DLGAP1: variants seen among roughly 807,000 people sequenced by gnomAD.
The protein encoded by DLGAP1 is DLG associated protein 1, also known as disks large-associated protein 1.
A neutral mutation model predicts 90.8 loss-of-function variants in DLGAP1; 11 were observed. The observed-to-expected ratio is 0.12, with a 90% CI of 0.08 to 0.20. The LOEUF (loss-of-function observed/expected upper bound fraction) is 0.20. DLGAP1 is among the 10% of genes least tolerant of loss of function. The pLI is 1.00. For synonymous variants in DLGAP1, 558 were observed against 540.7 expected (o/e 1.03, Z -0.44); for missense variants, 1,050 against 1,333.8 (o/e 0.79, Z 3.31).
chr18:4,219,057 G>T (rs2078023852), intron 1 of DLGAP1, among the ~76,000 whole-genome samples: 2 of 117,576 alleles, frequency 1.7e-5, no homozygotes, highest in Admixed American at 9.7e-5. Context: ...TTTTTAAGGA[G>T]TCTCCAAATT....
intron 10 of DLGAP1, among the ~76,000 whole-genome samples, chr18:3,529,295 G>A (rs1033673429): frequency 1.3e-5 from 2 of 152,094 alleles, no homozygotes; most frequent in African/African-American, 2.4e-5. Context: ...GCAAGAAGGC[G>A]CCATCTTTGA....
chr18:3,564,954 T>C (rs1410161420), intron 9 of DLGAP1, among the ~76,000 whole-genome samples: 1 of 152,174 alleles, frequency 6.6e-6, no homozygotes, highest in African/African-American at 2.4e-5. Context: ...TTTTAGCTTA[T>C]AGTGGAAACT....
intron 2 of DLGAP1, among the ~76,000 whole-genome samples, chr18:4,038,969 G>A (rs1033634190): frequency 6.6e-6 from 1 of 152,068 alleles, no homozygotes; most frequent in African/African-American, 2.4e-5. Flanking sequence ...CACAAGGGTT[G>A]CATTCCATCC....
At chr18:3,531,209 G>A (rs2051974197) in intron 10 of DLGAP1, among the ~76,000 whole-genome samples, 1 of 152,068 alleles carries the variant, frequency 6.6e-6, no homozygotes, top group Non-Finnish European at 1.5e-5. Flanking sequence ...GGCCGAGACG[G>A]GTGGATCACC....
At chr18:4,345,723 C>T (rs1015706384) in intron 1 of DLGAP1, among the ~76,000 whole-genome samples, 1 of 152,170 alleles carries the variant, frequency 6.6e-6, no homozygotes, top group African/African-American at 2.4e-5. Flanking sequence ...TCTTAAACAC[C>T]TCAATCGATG....
chr18:3,824,148 A>G (rs1033110725), intron 4 of DLGAP1, among the ~76,000 whole-genome samples: 2 of 151,958 alleles, frequency 1.3e-5, no homozygotes, highest in African/African-American at 4.8e-5. Flanking sequence ...CATTATTGTT[A>G]TAGTTACTAG....
At chr18:3,677,697 C>T (rs1363459131) in intron 7 of DLGAP1, among the ~76,000 whole-genome samples, 3 of 152,164 alleles carry the variant, frequency 2.0e-5, no homozygotes, top group East Asian at 1.9e-4. Context: ...CTCACTCTGT[C>T]GCCCAGGCTG....
intron 3 of DLGAP1, among the ~76,000 whole-genome samples, chr18:3,912,440 A>C (rs73940290): frequency 0.028 from 4,323 of 152,246 alleles, 198 homozygotes; most frequent in African/African-American, 0.096. Flanking sequence ...ACTTATTATG[A>C]GCCTATTATG....
intron 3 of DLGAP1, among the ~76,000 whole-genome samples, chr18:3,887,849 C>CTGT (rs2071356778): frequency 6.6e-6 from 1 of 151,998 alleles, no homozygotes. Flanking sequence ...TGGCTCATGC[C>CTGT]TGTGATCCCA....
intron 3 of DLGAP1, among the ~76,000 whole-genome samples, chr18:3,927,096 C>A (rs1428336993): frequency 3.9e-5 from 6 of 152,198 alleles, no homozygotes; most frequent in African/African-American, 1.4e-4. Flanking sequence ...AAAGAGAGCT[C>A]TTCCTTACTC....
intron 2 of DLGAP1, among the ~76,000 whole-genome samples, chr18:4,067,051 T>C (rs1400882549): frequency 6.6e-6 from 1 of 152,054 alleles, no homozygotes; most frequent in African/African-American, 2.4e-5. Flanking sequence ...AGGGTGCCAT[T>C]ATCCTTAGCA....
In DLGAP1 at chr18:4,363,479, T is replaced by A. The variant is rs182975888; in HGVS notation, c.-267+91527A>T. 3.9e-5 allele frequency among the ~76,000 whole-genome samples: 6 copies of A among 152,146 alleles called. No individual in the cohort carries two copies. The East Asian group carries it at 1.2e-3, about 29-fold the overall frequency. On this transcript the variant is annotated intron_variant, in intron 1 of 12. Transcript: ENST00000315677. Reference sequence around the variant, plus strand: ...GTGGTAACTTCCAGGAAACCAGACTTAAGAGAAAATTTTCGCAACCTACTC... The same window carrying A: ...GTGGTAACTTCCAGGAAACCAGACTAAAGAGAAAATTTTCGCAACCTACTC...
intron 5 of DLGAP1, among the ~76,000 whole-genome samples, chr18:3,800,725 T>C (rs2066249278): frequency 6.6e-6 from 1 of 152,166 alleles, no homozygotes; most frequent in African/African-American, 2.4e-5. Context: ...GAGTATTATA[T>C]TTTGTAATAA....
intron 1 of DLGAP1, among the ~76,000 whole-genome samples, chr18:4,327,631 G>A (rs991403889): frequency 6.6e-6 from 1 of 151,936 alleles, no homozygotes; most frequent in African/African-American, 2.4e-5. Flanking sequence ...ATCTTAATTT[G>A]TAACATATAC....
chr18:3,750,263 T>G (rs1460445931), intron 5 of DLGAP1, among the ~76,000 whole-genome samples: 2 of 152,234 alleles, frequency 1.3e-5, no homozygotes, highest in East Asian at 3.8e-4. Context: ...CTTCAGATGA[T>G]GGCTTCCAGC....
intron 1 of DLGAP1, among the ~76,000 whole-genome samples, chr18:4,347,861 T>C (rs2081327859): frequency 6.6e-6 from 1 of 151,986 alleles, no homozygotes; most frequent in Non-Finnish European, 1.5e-5. Flanking sequence ...AGAGAAGAGG[T>C]AAAAGTATCC....
At chr18:4,330,943 T>C (rs2080935491) in intron 1 of DLGAP1, among the ~76,000 whole-genome samples, 2 of 151,578 alleles carry the variant, frequency 1.3e-5, no homozygotes, top group Non-Finnish European at 2.9e-5. Flanking sequence ...TGTTGAAATA[T>C]CTAACTGTAG....
At chr18:4,026,027 T>G (rs546845277) in intron 2 of DLGAP1, among the ~76,000 whole-genome samples, 3 of 152,354 alleles carry the variant, frequency 2.0e-5, no homozygotes, top group South Asian at 4.1e-4. Context: ...GTCCCCACTC[T>G]TTTCAGGCTT....
intron 1 of DLGAP1, among the ~76,000 whole-genome samples, chr18:4,259,474 C>T (rs972032570): frequency 1.3e-5 from 2 of 152,196 alleles, no homozygotes; most frequent in Non-Finnish European, 2.9e-5. Context: ...CAACTTTCCT[C>T]CTGGCAAATG....
Sources: allele counts gnomAD v4.1 joint callset (sites outside exome capture counted in the v4.1 genomes callset), GRCh38; gene constraint gnomAD v4.1.1; transcripts MANE v1.5; gene names NCBI Gene and HGNC (gene_info 2026-07-23, HGNC 2026-07-21).